Variants in PREP observed in about 807,000 individuals in gnomAD.
The protein encoded by PREP is prolyl endopeptidase, also known as dJ355L5.1 (prolyl endopeptidase).
A neutral mutation model predicts 87.6 loss-of-function variants in PREP; 29 were observed. The ratio of observed to expected loss-of-function variants is 0.33; its 90% CI spans 0.25 to 0.45. PREP has a LOEUF of 0.45. Ranked by LOEUF, PREP falls within the 20% of genes least tolerant of loss-of-function variation. PREP has a pLI of 1.00. For synonymous variants in PREP, 337 were observed against 328.6 expected, an observed-to-expected ratio of 1.03 and a Z score of -0.28; for missense variants, 695 against 886.5, an observed-to-expected ratio of 0.78 and a Z score of 2.74.
chr6:105,277,905 A>G lies in PREP; in HGVS notation c.*239T>C. ...AGCTATTTATCCCAACATGCCCTTA[A>G]AAAAAACACCAAAAAACCACATGTG... On this transcript the variant is annotated 3_prime_UTR_variant, in exon 15 of 15. Coordinates refer to ENST00000652536, the MANE Select transcript of PREP (RefSeq NM_002726.5). The G allele has an allele frequency of 1.8e-6, 1 of 568,296 alleles. No homozygotes were observed. The highest frequency in any genetic ancestry group is 3.0e-6 in the Non-Finnish European group (1 of 328,136). 35.2% of individuals were successfully genotyped at this position (568,296 alleles called of 1,614,324 possible). A position where few individuals can be genotyped will look rare whatever the true frequency, so the allele number is the denominator to read the frequency against.
At chr6:105,366,332 A>C in intron 6 of PREP, among the ~76,000 whole-genome samples, 1 of 152,202 alleles carries the variant, frequency 6.6e-6, no homozygotes, top group East Asian at 1.9e-4. Context: ...TGATCAGGGA[A>C]ACAGTGTACA....
chr6:105,398,910 C>G (rs1773352600), intron 1 of PREP, among the ~76,000 whole-genome samples: 1 of 152,054 alleles, frequency 6.6e-6, no homozygotes, highest in Non-Finnish European at 1.5e-5. Context: ...GAGTTCAAGA[C>G]CAGCCTGGCC....
rs182668486 is a variant in PREP at position 105,327,300 on chromosome 6, G to A, written c.1213+1529C>T. Among the ~76,000 whole-genome samples, 516 of 152,206 alleles carry A rather than the reference G, an allele frequency of 3.4e-3. 1 individual carries two copies. The highest frequency in any genetic ancestry group is 0.012 in the African/African-American group (501 of 41,528). ...GCTGCTGTACTCCAGGTTCTAGGGG[G>A]AAGAGGGAATGGGGGGAGGTGCAGG... On this transcript the variant is annotated intron_variant, in intron 9 of 14. Transcript: ENST00000652536.
At chr6:105,396,603 G>A (rs946564492) in intron 2 of PREP, among the ~76,000 whole-genome samples, 3 of 152,094 alleles carry the variant, frequency 2.0e-5, no homozygotes, top group African/African-American at 7.2e-5. Context: ...TGGTATATAC[G>A]GTGGAAAGGG....
rs557539715 is a variant in PREP, at chr6:105,323,830, G to A, written c.1214-62C>T. The stretch of plus-strand genomic sequence containing the variant: ...ACTCACTAGATTCAAAGGGGGCAAG[G>A]ATCACAAACCACAACCAAATGCCAG... On this transcript the variant is annotated intron_variant, in intron 9 of 14. Coordinates refer to ENST00000652536, the MANE Select transcript of PREP (RefSeq NM_002726.5). 7.3e-5 allele frequency: 101 copies of A among 1,375,296 alleles called. No homozygotes were observed. In the African/African-American group the frequency reaches 1.4e-3, roughly 19 times the overall value. The allele number at this position is 1,375,296 out of a possible 1,614,324, so 85.2% of individuals were successfully genotyped here.
intron 8 of PREP, among the ~76,000 whole-genome samples, chr6:105,329,423 A>G (rs12192322): frequency 3.9e-3 from 596 of 152,288 alleles, no homozygotes; most frequent in Non-Finnish European, 6.6e-3. Flanking sequence ...AAAACTGTTA[A>G]GATTACAGGC....
At chr6:105,314,035 A>G (rs115570327) in intron 10 of PREP, among the ~76,000 whole-genome samples, 1,760 of 152,334 alleles carry the variant, frequency 0.012, 30 homozygotes, top group African/African-American at 0.04. Context: ...AGTATCAAAA[A>G]AGAAGAAAGT....
intron 14 of PREP, among the ~76,000 whole-genome samples, chr6:105,279,785 A>T (rs1246278185): frequency 6.6e-6 from 1 of 152,204 alleles, no homozygotes; most frequent in Non-Finnish European, 1.5e-5. Context: ...TCATGGAGAA[A>T]AATATTTAGA....
chr6:105,300,423 T>C (rs1303370493), intron 10 of PREP, among the ~76,000 whole-genome samples: 3 of 152,196 alleles, frequency 2.0e-5, no homozygotes, highest in East Asian at 1.9e-4. Context: ...TCCATTTCAA[T>C]AGTATTTTTT....
Position 105,403,032 on chromosome 6 carries a change from A to C in PREP, c.-141T>G. On this transcript the variant is annotated 5_prime_UTR_variant, in exon 1 of 15. Coordinates refer to ENST00000652536, the MANE Select transcript of PREP (RefSeq NM_002726.5). ...GGCAGCGGGCGGCCGGCTCACGGCC[A>C]GAGCTAGCACAAACGGACTGGCGGC... is the stretch of plus-strand genomic sequence containing the variant. 1 of 320,062 alleles carries C rather than the reference A, an allele frequency of 3.1e-6. No individual in the cohort carries two copies. Among genetic ancestry groups the C allele is most frequent in the Non-Finnish European group, 5.5e-6 (1 of 181,072 alleles). The allele number at this position is 320,062 out of a possible 1,614,324, so 19.8% of individuals were successfully genotyped here.
chr6:105,348,350 G>C (rs1236497147), intron 7 of PREP, among the ~76,000 whole-genome samples: 1 of 152,230 alleles, frequency 6.6e-6, no homozygotes, highest in Non-Finnish European at 1.5e-5. Context: ...AAGGCCACCT[G>C]AGCACAAGGA....
chr6:105,372,424 C>A (rs1334856426), intron 5 of PREP, among the ~76,000 whole-genome samples: 6 of 152,116 alleles, frequency 3.9e-5, no homozygotes, highest in Non-Finnish European at 8.8e-5. Flanking sequence ...ACCAACATAA[C>A]AAGAAAATGC....
intron 2 of PREP, among the ~76,000 whole-genome samples, chr6:105,380,829 G>GA (rs1280578456): frequency 6.6e-6 from 1 of 152,172 alleles, no homozygotes; most frequent in Non-Finnish European, 1.5e-5. Flanking sequence ...ATTTGCATGA[G>GA]GCTGCACTTA....
chr6:105,370,863 G>A (rs1772520357), intron 5 of PREP, among the ~76,000 whole-genome samples: 1 of 152,194 alleles, frequency 6.6e-6, no homozygotes, highest in Non-Finnish European at 1.5e-5. Context: ...CAAAGATTGG[G>A]GTGAGAAAGG....
At chr6:105,302,901 T>C (rs1217919540) in intron 10 of PREP, 1 of 239,570 alleles carries the variant, frequency 4.2e-6, no homozygotes, top group Non-Finnish European at 8.4e-6. Context: ...TATACCAGCT[T>C]ACCTCAGGTC....
chr6:105,336,227 G>A (rs987177008), intron 7 of PREP, among the ~76,000 whole-genome samples: 3 of 152,164 alleles, frequency 2.0e-5, no homozygotes, highest in African/African-American at 4.8e-5. Context: ...ACCACTGCAC[G>A]CCAGCCTGGG....
At chr6:105,329,140 C>G in intron 8 of PREP, 114 bp from the exon 9 acceptor site, 1 of 982,650 alleles carries the variant, frequency 1.0e-6, no homozygotes, top group Non-Finnish European at 1.5e-6. Flanking sequence ...ATGAGACTTG[C>G]AAAGTCACTT....
intron 2 of PREP, among the ~76,000 whole-genome samples, chr6:105,393,166 T>C (rs7741545): frequency 0.42 from 64,601 of 152,136 alleles, 17,021 homozygotes; most frequent in African/African-American, 0.75. Context: ...TTTACAGAGC[T>C]TCTAAAACAA....
At chr6:105,373,711 G>C in intron 4 of PREP, 133 bp from the exon 5 acceptor site, 1 of 932,384 alleles carries the variant, frequency 1.1e-6, no homozygotes, top group Non-Finnish European at 1.6e-6. Context: ...GAATCTGGTA[G>C]TGAGGAATCC....
Sources: allele counts gnomAD v4.1 joint callset (sites outside exome capture counted in the v4.1 genomes callset), GRCh38; gene constraint gnomAD v4.1.1; transcripts MANE v1.5; gene names NCBI Gene and HGNC (gene_info 2026-07-23, HGNC 2026-07-21).